TBC1D1: variants seen among roughly 807,000 people sequenced by gnomAD.
The protein encoded by TBC1D1 is TBC1 (tre-2/USP6, BUB2, cdc16) domain family, member 1.
A neutral mutation model predicts 125.6 loss-of-function variants in TBC1D1; 89 were observed. The observed-to-expected ratio is 0.71, with a 90% CI of 0.60 to 0.85. The LOEUF is 0.85. Ranked by LOEUF, TBC1D1 falls within the 40% of genes least tolerant of loss-of-function variation. TBC1D1 has a pLI of 0.00. For missense variants in TBC1D1, 1,377 were observed against 1,469.2 expected (o/e 0.94, Z 1.03); for synonymous variants, 565 against 564.1 (o/e 1.00, Z -0.02).
intron 1 of TBC1D1, among the ~76,000 whole-genome samples, chr4:37,892,488 AG>A (rs1307535884): frequency 1.3e-5 from 2 of 152,202 alleles, no homozygotes; most frequent in Admixed American, 1.3e-4. Flanking sequence ...ATTGAGTGCA[AG>A]GAGACCTGGA....
At chr4:37,937,040 A>C (rs1383140488) in intron 2 of TBC1D1, among the ~76,000 whole-genome samples, 1 of 152,226 alleles carries the variant, frequency 6.6e-6, no homozygotes, top group African/African-American at 2.4e-5. Context: ...TCAGGCAGAT[A>C]GAACCACAGC....
Position 38,045,868 on chromosome 4 carries a change from A to G in TBC1D1, c.1594A>G (p.Ser532Gly). Residue 532 changes from serine to glycine, a missense_variant, in exon 10 of 20, where the codon AGC becomes GGC. Transcript: ENST00000261439. ...ACACTCCATCAGTGTGGATCTGGAT[A>G]GCTCCCTGTCTAGTACATTAAGTAA... 6.2e-7 allele frequency: 1 copy of G among 1,612,574 alleles called. No individual in the cohort carries two copies.
intron 7 of TBC1D1, chr4:38,030,577 T>C (rs940760838): frequency 1.3e-5 from 2 of 152,264 alleles, no homozygotes; most frequent in African/African-American, 4.8e-5. Flanking sequence ...ATAAAACATT[T>C]TATAAACCAA....
rs373200866 is a variant in TBC1D1, at chr4:37,950,579, G to A, written c.417+48067G>A. On this transcript the variant is annotated intron_variant, in intron 2 of 19. Coordinates refer to ENST00000261439, the MANE Select transcript of TBC1D1 (RefSeq NM_015173.4). ...ATAGCCACCTGCCCCCTCCCCTCCC[G>A]CCCCCTACATGCACAGCCTCCCCCA... 2.1e-4 allele frequency among the ~76,000 whole-genome samples: 14 copies of A among 66,990 alleles called. 1 individual carries two copies. Among genetic ancestry groups the A allele is most frequent in the Admixed American group, 3.2e-4 (2 of 6,188 alleles). 43.9% of individuals were successfully genotyped at this position (66,990 alleles called of 152,430 possible). A position where few individuals can be genotyped will look rare whatever the true frequency, so the allele number is the denominator to read the frequency against.
chr4:37,925,841 T>C (rs1721997991), intron 2 of TBC1D1, among the ~76,000 whole-genome samples: 1 of 152,158 alleles, frequency 6.6e-6, no homozygotes, highest in Non-Finnish European at 1.5e-5. Flanking sequence ...AAATTAATAA[T>C]ATGTTATCAT....
chr4:38,118,957 C>T (rs540422260), intron 17 of TBC1D1, among the ~76,000 whole-genome samples: 13 of 152,266 alleles, frequency 8.5e-5, no homozygotes, highest in East Asian at 3.9e-4. Flanking sequence ...CATCAGGAAC[C>T]GAGTGGAATG....
intron 6 of TBC1D1, among the ~76,000 whole-genome samples, chr4:38,022,359 G>A (rs1414444927): frequency 6.6e-6 from 1 of 152,172 alleles, no homozygotes; most frequent in Non-Finnish European, 1.5e-5. Flanking sequence ...CACATTTGTG[G>A]GAGGAAAAGG....
intron 7 of TBC1D1, among the ~76,000 whole-genome samples, chr4:38,033,016 A>T (rs1645733175): frequency 6.6e-6 from 1 of 152,150 alleles, no homozygotes; most frequent in South Asian, 2.1e-4. Context: ...TCTCTGCTTT[A>T]GTGACTTCTG....
At position 38,137,463 on chromosome 4, in the gene TBC1D1, C is replaced by A; in HGVS notation, c.*128C>A. On this transcript the variant is annotated 3_prime_UTR_variant, in exon 20 of 20. Transcript: ENST00000261439. ...CTCAGGGAGGAAACCGGCTTGCCAG[C>A]AAGTAGATTCTTACGAACTCCAACT... 7.8e-7 allele frequency: 1 copy of A among 1,275,836 alleles called. No homozygotes were observed. The highest frequency in any genetic ancestry group is 1.0e-6 in the Non-Finnish European group (1 of 1,001,640). The allele number at this position is 1,275,836 out of a possible 1,614,324, so 79.0% of individuals were successfully genotyped here. A position where few individuals can be genotyped will look rare whatever the true frequency, so the allele number is the denominator to read the frequency against.
chr4:38,120,242 C>A, intron 17 of TBC1D1: 1 of 492,878 alleles, frequency 2.0e-6, no homozygotes, highest in Non-Finnish European at 2.6e-6. Context: ...GGTCGTTGTC[C>A]AGCTGGCCAA....
At chr4:37,922,703 A>G (rs937426437) in intron 2 of TBC1D1, among the ~76,000 whole-genome samples, 3 of 152,008 alleles carry the variant, frequency 2.0e-5, no homozygotes, top group South Asian at 2.1e-4. Flanking sequence ...TTTTTGTCCA[A>G]TCGGCATCCA....
At chr4:37,981,190 A>G (rs2152367085) in intron 2 of TBC1D1, among the ~76,000 whole-genome samples, 1 of 152,138 alleles carries the variant, frequency 6.6e-6, no homozygotes, top group African/African-American at 2.4e-5. Flanking sequence ...TGATCTGCCC[A>G]CCTCCGCCTC....
intron 2 of TBC1D1, among the ~76,000 whole-genome samples, chr4:37,922,040 T>A (rs1217787965): frequency 6.6e-6 from 1 of 152,148 alleles, no homozygotes; most frequent in South Asian, 2.1e-4. Flanking sequence ...CCCAGCCTCT[T>A]TTCCTGTTTT....
intron 2 of TBC1D1, among the ~76,000 whole-genome samples, chr4:37,920,484 C>T (rs1440907361): frequency 2.0e-5 from 3 of 152,134 alleles, no homozygotes; most frequent in Admixed American, 1.3e-4. Flanking sequence ...GGCATCTGTC[C>T]TTGGCCACTG....
At chr4:37,972,678 G>T (rs2152347343) in intron 2 of TBC1D1, among the ~76,000 whole-genome samples, 1 of 152,076 alleles carries the variant, frequency 6.6e-6, no homozygotes, top group East Asian at 1.9e-4. Flanking sequence ...AGCCGAGGCG[G>T]GCGGGTCACC....
chr4:38,113,267 C>G (rs1348849960), intron 15 of TBC1D1, among the ~76,000 whole-genome samples: 1 of 152,214 alleles, frequency 6.6e-6, no homozygotes, highest in South Asian at 2.1e-4. Context: ...AGAACACACA[C>G]CCGTGAAGCC....
chr4:37,932,294 C>G (rs1723426263), intron 2 of TBC1D1, among the ~76,000 whole-genome samples: 1 of 152,110 alleles, frequency 6.6e-6, no homozygotes, highest in Non-Finnish European at 1.5e-5. Flanking sequence ...AAATTTGATT[C>G]ATTTTGGGGC....
intron 15 of TBC1D1, among the ~76,000 whole-genome samples, chr4:38,105,287 T>G (rs144975842): frequency 0.023 from 3,569 of 152,298 alleles, 54 homozygotes; most frequent in Non-Finnish European, 0.036. Context: ...GGACTTAAAC[T>G]CCTTTCTTTA....
chr4:37,943,309 G>T (rs948238196), intron 2 of TBC1D1, among the ~76,000 whole-genome samples: 2 of 152,106 alleles, frequency 1.3e-5, no homozygotes, highest in Non-Finnish European at 2.9e-5. Flanking sequence ...TGACAATTAT[G>T]TGTCTTGGAG....
Sources: allele counts gnomAD v4.1 joint callset (sites outside exome capture counted in the v4.1 genomes callset), GRCh38; gene constraint gnomAD v4.1.1; transcripts MANE v1.5; gene names NCBI Gene and HGNC (gene_info 2026-07-23, HGNC 2026-07-21).